The following GRINA variants were observed in gnomAD, a reference collection of about 807,000 sequenced individuals.
The protein encoded by GRINA is protein lifeguard 1.
In GRINA, 26 loss-of-function variants were observed where a neutral mutation model predicts 42.5. The observed-to-expected ratio is 0.61, with a 90% CI of 0.45 to 0.85. GRINA has a LOEUF of 0.85. GRINA is among the 40% of genes least tolerant of loss of function. The pLI is 0.00. For missense variants in GRINA, 475 were observed against 481.5 expected (o/e 0.99, Z 0.13); for synonymous variants, 256 against 204.2 (o/e 1.25, Z -2.17).
Position 143,991,676 on chromosome 8 carries a change from CCTGT to C in GRINA, c.380-12_380-9del. On this transcript the variant is annotated splice_polypyrimidine_tract_variant and intron_variant, in intron 2 of 6. Coordinates refer to ENST00000395068, the MANE Select transcript of GRINA (RefSeq NM_001009184.2). ...GTGCTTGTGAGTGGCGCTGACCCAGCCTGTCTGCTTCTCAGCACCCCAGCATGGA... is the reference window on the plus strand; with the variant it reads ...GTGCTTGTGAGTGGCGCTGACCCAGCCTGCTTCTCAGCACCCCAGCATGGA... The C allele has an allele frequency of 6.3e-7, 1 of 1,599,874 alleles. No homozygotes were observed. The highest frequency in any genetic ancestry group is 2.2e-5 in the East Asian group (1 of 44,822).
Position 143,992,246 on chromosome 8 carries a change from C to G in GRINA, c.695C>G (p.Ser232Trp). 1 of 1,602,764 alleles carries G rather than the reference C, an allele frequency of 6.2e-7. No homozygotes were observed. Among genetic ancestry groups the G allele is most frequent in the Non-Finnish European group, 8.5e-7 (1 of 1,173,586 alleles). Residue 232 changes from serine (S) to tryptophan (W), a missense_variant and splice_region_variant, in exon 5 of 7, where the codon TCG (serine) becomes TGG (tryptophan). By Grantham distance (177) the Ser-to-Trp change is radical. Transcript: ENST00000395068. Reference sequence around the variant, plus strand: ...TCAGCCTGTGTCTCCCAACTGCAGTCGGTCCTGACCGCCAGCCTGTCGTAC... The same window carrying G: ...TCAGCCTGTGTCTCCCAACTGCAGTGGGTCCTGACCGCCAGCCTGTCGTAC... ...RKHPWNLVAL[S>W]VLTASLSYMV...
chr8:143,991,407 A>G lies in GRINA; in HGVS notation c.184A>G (p.Ser62Gly). The G allele has an allele frequency of 8.5e-7, 1 of 1,182,478 alleles. No individual in the cohort carries two copies. Among genetic ancestry groups the G allele is most frequent in the Non-Finnish European group, 1.1e-6 (1 of 871,814 alleles). 73.2% of individuals were successfully genotyped at this position (1,182,478 alleles called of 1,614,324 possible). The change falls in exon 2 of 7, where the codon AGC becomes GGC. Residue 62 changes from serine to glycine, a missense_variant. Coordinates refer to ENST00000395068, the MANE Select transcript of GRINA (RefSeq NM_001009184.2). Reference protein sequence around the residue: ...YGQPGYPHGPSPYPQGGYPQG... With the variant: ...YGQPGYPHGPGPYPQGGYPQG... ...TCAGCCAGGGTACCCCCATGGCCCC[A>G]GCCCCTACCCCCAAGGGGGCTACCC...
At chr8:143,992,670 A>G in intron 6 of GRINA, 22 bp from the exon 7 acceptor site, 1 of 1,613,848 alleles carries the variant, frequency 6.2e-7, no homozygotes, top group Non-Finnish European at 8.5e-7. Context: ...GTCCCTCAAC[A>G]CCACTGTGCT....
In GRINA at chr8:143,991,907, G is replaced by T; in HGVS notation, c.522G>T (p.Ser174=). ...KVFLVLTLQL[S]VTLSTVSVFT... is the part of the protein sequence containing the mutation. The stretch of plus-strand genomic sequence containing the variant: ...TCCTAGTGCTGACCTTGCAGCTGTC[G>T]GTGACCCTGTCCACGGTGTCTGTGT... Residue 174 remains serine, a synonymous_variant, in exon 4 of 7, where the codon TCG becomes TCT. Transcript: ENST00000395068. 1 of 1,612,774 alleles carries T rather than the reference G, an allele frequency of 6.2e-7. No individual in the cohort carries two copies. Among genetic ancestry groups the T allele is most frequent in the Non-Finnish European group, 8.5e-7 (1 of 1,179,278 alleles).
Position 143,992,836 on chromosome 8 carries a change from G to A in GRINA, c.1111G>A (p.Glu371Lys). 6.2e-7 allele frequency: 1 copy of A among 1,613,026 alleles called. No homozygotes were observed. The highest frequency in any genetic ancestry group is 8.5e-7 in the Non-Finnish European group (1 of 1,179,660). ...CCTCACCATCATTGGCCGCGCCAAG[G>A]AGTAGCCGAGCTCCAGCTCGCTGTG... ...YILTIIGRAK[E>K] The change falls in exon 7 of 7, where the codon GAG (glutamate) becomes AAG (lysine). Residue 371 changes from glutamate to lysine, a missense_variant. Physicochemically the swap from Glu to Lys is moderately conservative, Grantham distance 56 (BLOSUM62 1). Around this residue, in one of 2 missense-constraint regions of GRINA, gnomAD observed 154 missense variants for 214.2 expected, o/e 0.72. Coordinates refer to ENST00000395068, the MANE Select transcript of GRINA (RefSeq NM_001009184.2).
chr8:143,991,491 C>A lies in GRINA; in HGVS notation c.268C>A (p.Pro90Thr). 3 of 1,529,836 alleles carry A rather than the reference C, an allele frequency of 2.0e-6. No individual in the cohort carries two copies. The highest frequency in any genetic ancestry group is 2.6e-6 in the Non-Finnish European group (3 of 1,144,496). The allele number at this position is 1,529,836 out of a possible 1,614,324, so 94.8% of individuals were successfully genotyped here. A position where few individuals can be genotyped will look rare whatever the true frequency, so the allele number is the denominator to read the frequency against. The change falls in exon 2 of 7, where the codon CCA becomes ACA. Residue 90 changes from proline to threonine, a missense_variant. Physicochemically the swap from Pro to Thr is conservative, Grantham distance 38. This residue lies in a region of GRINA where 321 missense variants were observed against 267.2 expected (regional missense o/e 1.20). Coordinates refer to ENST00000395068, the MANE Select transcript of GRINA (RefSeq NM_001009184.2). ...PQGPYPQEGY[P>T]QGPYPQGGYP... ...GGGCCCCTACCCACAAGAGGGCTAC[C>A]CACAGGGCCCCTACCCCCAAGGGGG... is the stretch of plus-strand genomic sequence containing the variant.
chr8:143,991,482 G>A lies in GRINA; in HGVS notation c.259G>A (p.Glu87Lys). ...CTACCCACAGGGCCCCTACCCACAA[G>A]AGGGCTACCCACAGGGCCCCTACCC... The part of the protein sequence containing the change: ...GGYPQGPYPQ[E>K]GYPQGPYPQG... Residue 87 changes from glutamate to lysine, a missense_variant, in exon 2 of 7, where the codon GAG (glutamate) becomes AAG (lysine). By Grantham distance (56) the Glu-to-Lys change is moderately conservative. Transcript: ENST00000395068. 6.6e-7 allele frequency: 1 copy of A among 1,520,484 alleles called. No individual in the cohort carries two copies. Among genetic ancestry groups the A allele is most frequent in the Non-Finnish European group, 8.8e-7 (1 of 1,140,214 alleles). 94.2% of individuals were successfully genotyped at this position (1,520,484 alleles called of 1,614,324 possible).
intron 1 of GRINA, 144 bp from the exon 2 acceptor site, chr8:143,991,056 G>T: frequency 2.0e-6 from 1 of 488,068 alleles, no homozygotes; most frequent in East Asian, 3.5e-5. Flanking sequence ...CCCAGGCTCC[G>T]GGGCTCCCCA....
In GRINA at chr8:143,992,699, C is replaced by A; in HGVS notation, c.974C>A (p.Ala325Glu). ...CTGTGCTGTCACCTCCAGTTCCTCG[C>A]AGTGGACACCCAGCTGCTACTGGGG... ...LGALLFTCFL[A>E]VDTQLLLGNK... The change falls in exon 7 of 7, where the codon GCA becomes GAA. Residue 325 changes from alanine to glutamate, a missense_variant. Transcript: ENST00000395068. 3.7e-6 allele frequency: 6 copies of A among 1,613,960 alleles called. No individual in the cohort carries two copies. The highest frequency in any genetic ancestry group is 5.1e-6 in the Non-Finnish European group (6 of 1,179,956).
Position 143,991,350 on chromosome 8 carries a change from C to A in GRINA, c.127C>A (p.Pro43Thr). 7.5e-7 allele frequency: 1 copy of A among 1,327,148 alleles called. No individual in the cohort carries two copies. Among genetic ancestry groups the A allele is most frequent in the Non-Finnish European group, 1.0e-6 (1 of 967,674 alleles). The allele number at this position is 1,327,148 out of a possible 1,614,324, so 82.2% of individuals were successfully genotyped here. A position where few individuals can be genotyped will look rare whatever the true frequency, so the allele number is the denominator to read the frequency against. Reference protein sequence around the residue: ...AQPPYPGAPYPQPPFQPSPYG... With the variant: ...AQPPYPGAPYTQPPFQPSPYG... ...GCCTCCCTACCCTGGGGCCCCTTAC[C>A]CACAGCCCCCTTTCCAGCCCTCCCC... The change falls in exon 2 of 7, where the codon CCA (proline) becomes ACA (threonine). Residue 43 changes from proline (P) to threonine (T), a missense_variant. Physicochemically the swap from Pro to Thr is conservative, Grantham distance 38. Coordinates refer to ENST00000395068, the MANE Select transcript of GRINA (RefSeq NM_001009184.2).
intron 1 of GRINA, 24 bp from the exon 2 acceptor site, chr8:143,991,176 C>G (rs373754213): frequency 2.8e-6 from 4 of 1,423,274 alleles, no homozygotes; most frequent in Non-Finnish European, 3.8e-6. Flanking sequence ...AACTGTTCCA[C>G]TGTTCCTTGT....
rs971533141 is a variant in GRINA, at chr8:143,992,986, A to G, written c.*145A>G. On this transcript the variant is annotated 3_prime_UTR_variant, in exon 7 of 7. Coordinates refer to ENST00000395068, the MANE Select transcript of GRINA (RefSeq NM_001009184.2). ...GGATGCCTCTCTCCAACCCTCCTGT[A>G]TGTACACTGCAGATACTTCCATTTG... The G allele has an allele frequency of 1.0e-5, 7 of 670,268 alleles. No homozygotes were observed. In the East Asian group the frequency reaches 1.4e-4, roughly 13 times the overall value. The allele number at this position is 670,268 out of a possible 1,614,324, so 41.5% of individuals were successfully genotyped here.
At chr8:143,991,636 G>A (rs1291598636) in intron 2 of GRINA, 34 bp downstream of exon 2, 42 of 1,594,306 alleles carry the variant, frequency 2.6e-5, no homozygotes, top group Non-Finnish European at 3.5e-5. Context: ...GGGGTGGCCG[G>A]GAGGGCAGGG....
In GRINA at chr8:143,991,250, G is replaced by A. The variant is rs782280910; in HGVS notation, c.27G>A (p.Val9=). The part of the protein sequence containing the change: MSHEKSFL[V]SGDNYPPPNP... ...TGTCCCATGAAAAGAGTTTTTTGGT[G>A]TCTGGGGACAACTATCCTCCCCCCA... is the stretch of plus-strand genomic sequence containing the variant. Residue 9 remains valine (V), a synonymous_variant, in exon 2 of 7, where the codon GTG becomes GTA. Transcript: ENST00000395068. 1 of 1,574,444 alleles carries A rather than the reference G, an allele frequency of 6.4e-7. No homozygotes were observed. Among genetic ancestry groups the A allele is most frequent in the Non-Finnish European group, 8.6e-7 (1 of 1,158,506 alleles).
In GRINA at chr8:143,991,197, T is replaced by C. The variant is rs113143709; in HGVS notation, c.-24-3T>C. On this transcript the variant is annotated splice_polypyrimidine_tract_variant and splice_region_variant and intron_variant, in intron 1 of 6. Transcript: ENST00000395068. ...TCCACTGTTCCTTGTCTGTCTTCTC[T>C]AGGGGCGGACCGCGGAACCCGAGGC... The C allele has an allele frequency of 2.6e-6, 4 of 1,531,258 alleles. No homozygotes were observed. In the South Asian group the frequency reaches 5.0e-5, roughly 19 times the overall value. 94.9% of individuals were successfully genotyped at this position (1,531,258 alleles called of 1,614,324 possible).
chr8:143,990,539 T>G lies in GRINA; in HGVS notation c.-25+340T>G. 6.6e-6 allele frequency: 1 copy of G among 151,320 alleles called. No homozygotes were observed. Among genetic ancestry groups the G allele is most frequent in the Non-Finnish European group, 1.5e-5 (1 of 67,874 alleles). 9.4% of individuals were successfully genotyped at this position (151,320 alleles called of 1,614,324 possible). A position where few individuals can be genotyped will look rare whatever the true frequency, so the allele number is the denominator to read the frequency against. ...CCCGCCTCGCCCCACGCCCGCTTTG[T>G]TCCCCGCACGCCCCGTGGTCGCTTC... On this transcript the variant is annotated intron_variant, in intron 1 of 6. Transcript: ENST00000395068. This position sits in a 1 kb window ranked among gnomAD's most constrained non-coding sequence, Gnocchi z 5.6.
At chr8:143,992,629 G>T (rs1554750747) in intron 6 of GRINA, 21 bp downstream of exon 6, 1 of 1,614,036 alleles carries the variant, frequency 6.2e-7, no homozygotes, top group Admixed American at 1.7e-5. Context: ...GGTGACCTTG[G>T]CCGGGGGCGG....
At position 143,991,390 on chromosome 8, in the gene GRINA, G is replaced by A. The variant is rs907967693; in HGVS notation, c.167G>A (p.Gly56Glu). 2.5e-6 allele frequency: 3 copies of A among 1,194,328 alleles called. No individual in the cohort carries two copies. In the African/African-American group the frequency reaches 4.6e-5, roughly 18 times the overall value. 74.0% of individuals were successfully genotyped at this position (1,194,328 alleles called of 1,614,324 possible). ...PFQPSPYGQP[G>E]YPHGPSPYPQ... Reference sequence around the variant, plus strand: ...CAGCCCTCCCCCTACGGTCAGCCAGGGTACCCCCATGGCCCCAGCCCCTAC... The same window carrying A: ...CAGCCCTCCCCCTACGGTCAGCCAGAGTACCCCCATGGCCCCAGCCCCTAC... The change falls in exon 2 of 7, where the codon GGG becomes GAG. Residue 56 changes from glycine (G) to glutamate (E), a missense_variant. Gly to Glu is a moderately conservative substitution (Grantham distance 98). Around this residue, in one of 2 missense-constraint regions of GRINA, gnomAD observed 321 missense variants for 267.2 expected, o/e 1.20. Transcript: ENST00000395068.
chr8:143,992,130 A>G, intron 4 of GRINA, 52 bp downstream of exon 4: 1 of 1,603,808 alleles, frequency 6.2e-7, no homozygotes, highest in Non-Finnish European at 8.5e-7. Flanking sequence ...GCAGTCCCAC[A>G]CGCCCACTCT....
Sources: allele counts gnomAD v4.1 joint callset, GRCh38; gene constraint gnomAD v4.1.1; regional missense constraint gnomAD v4.1.1; non-coding constraint Gnocchi (gnomAD v3.1); transcripts MANE v1.5; gene names NCBI Gene and HGNC (gene_info 2026-07-23, HGNC 2026-07-21).